Variants in PROSER2 observed in about 807,000 individuals in gnomAD.
PROSER2 encodes the protein proline and serine-rich protein 2.
A neutral mutation model predicts 14.6 loss-of-function variants in PROSER2; 18 were observed. The ratio of observed to expected loss-of-function variants is 1.23; its 90% CI spans 0.85 to 1.83. The LOEUF is 1.83. PROSER2 is among the 40% of genes most tolerant of loss of function. The pLI, the probability that PROSER2 is intolerant of heterozygous loss-of-function variation, is 0.00. For synonymous variants in PROSER2, 367 were observed against 286.4 expected, an observed-to-expected ratio of 1.28 and a Z score of -2.84; for missense variants, 823 against 629.8, an observed-to-expected ratio of 1.31 and a Z score of -3.28.
In PROSER2 at chr10:11,866,739, G is replaced by A. The variant is rs760503678; in HGVS notation, c.347G>A (p.Gly116Asp). The A allele has an allele frequency of 6.2e-7, 1 of 1,613,466 alleles. No homozygotes were observed. Among genetic ancestry groups the A allele is most frequent in the East Asian group, 2.2e-5 (1 of 44,876 alleles). ...DVIDLVQPAP[G>D]AGEAEGLPEG... ...ATCGACTTAGTGCAGCCAGCACCTG[G>A]CGCCGGGGAAGCCGAGGGCCTTCCA... is the stretch of plus-strand genomic sequence containing the variant. Residue 116 changes from glycine (G) to aspartate (D), a missense_variant, in exon 3 of 4, where the codon GGC becomes GAC. Physicochemically the swap from Gly to Asp is moderately conservative, Grantham distance 94 (BLOSUM62 -1). Coordinates refer to ENST00000277570, the MANE Select transcript of PROSER2 (RefSeq NM_153256.4). This position sits in a 1 kb window ranked among gnomAD's most constrained non-coding sequence, Gnocchi z 6.0.
Position 11,843,862 on chromosome 10 carries a change from ATATTTT to A in PROSER2, c.-81-8131_-81-8126del, listed in dbSNP as rs574407389. The stretch of plus-strand genomic sequence containing the variant: ...GTGAAACTCCATCTCAAAAAAAAGA[ATATTTT>A]TATAGTACATATAGATTTAGGTTGA... On this transcript the variant is annotated intron_variant, in intron 1 of 3. Transcript: ENST00000277570. Among the ~76,000 whole-genome samples the A allele has an allele frequency of 1.8e-4, 28 of 151,880 alleles. 1 individual carries two copies. The East Asian group carries it at 5.4e-3, about 29-fold the overall frequency.
chr10:11,856,907 C>G lies in PROSER2; in HGVS notation c.138+4692C>G, dbSNP rs1397996804. On this transcript the variant is annotated intron_variant, in intron 2 of 3. Transcript: ENST00000277570. This position sits in a 1 kb window ranked among gnomAD's most constrained non-coding sequence, Gnocchi z 5.3. ...AGGAGGGGACACTGAACCGGAGGTG[C>G]CTTGAGGGAGGAGCCGCCCCATCAG... is the stretch of plus-strand genomic sequence containing the variant. Among the ~76,000 whole-genome samples the G allele has an allele frequency of 6.6e-6, 1 of 152,190 alleles. No individual in the cohort carries two copies. The highest frequency in any genetic ancestry group is 1.5e-5 in the Non-Finnish European group (1 of 68,038).
rs1833575018 is a variant in PROSER2 at position 11,823,835 on chromosome 10, G to A, written c.-82+365G>A. Among the ~76,000 whole-genome samples the A allele has an allele frequency of 1.3e-5, 2 of 152,184 alleles. No individual in the cohort carries two copies. Among genetic ancestry groups the A allele is most frequent in the African/African-American group, 4.8e-5 (2 of 41,458 alleles). On this transcript the variant is annotated intron_variant, in intron 1 of 3. Transcript: ENST00000277570. This position sits in a 1 kb window ranked among gnomAD's most constrained non-coding sequence, Gnocchi z 6.2. ...GTCCCCACCGTCCGTCCCCCAACCC[G>A]GGACCCCTGTCCTTTGCGCCGTGGG... is the stretch of plus-strand genomic sequence containing the variant.
chr10:11,855,347 G>A (rs552933492), intron 2 of PROSER2, among the ~76,000 whole-genome samples: 12 of 151,682 alleles, frequency 7.9e-5, no homozygotes, highest in East Asian at 1.9e-4. Context: ...GTTGGCGGGC[G>A]CCTGTAGTCC....
rs143045886 is a variant in PROSER2 at position 11,845,371 on chromosome 10, T to C, written c.-81-6626T>C. ...AGATTTGTAGCTGCTTTTAACTTTT[T>C]CTTGTTTTCGGTGTTCTGTGGTTTC... On this transcript the variant is annotated intron_variant, in intron 1 of 3. Transcript: ENST00000277570. 4.5e-4 allele frequency among the ~76,000 whole-genome samples: 68 copies of C among 152,312 alleles called. No homozygotes were observed. In the East Asian group the frequency reaches 0.012, roughly 26 times the overall value.
rs1834335807 is a variant in PROSER2, at chr10:11,865,904, G to GCTGAGAAGC, written c.139-626_139-625insTGAGAAGCC. ...TCCAGAGCCGCTCAGCACCTCCAGG[G>GCTGAGAAGC]CCTGAGCTTCTGGGCAGTTCTTCGG... On this transcript the variant is annotated intron_variant, in intron 2 of 3. Coordinates refer to ENST00000277570, the MANE Select transcript of PROSER2 (RefSeq NM_153256.4). The surrounding 1 kb of genome is among the most constrained non-coding windows in gnomAD (Gnocchi z 4.2). 6.6e-6 allele frequency among the ~76,000 whole-genome samples: 1 copy of GCTGAGAAGC among 152,170 alleles called. No homozygotes were observed. The highest frequency in any genetic ancestry group is 2.1e-4 in the South Asian group (1 of 4,826).
At chr10:11,845,877 T>TG (rs745690862) in intron 1 of PROSER2, among the ~76,000 whole-genome samples, 10 of 152,330 alleles carry the variant, frequency 6.6e-5, no homozygotes, top group South Asian at 2.1e-4. Flanking sequence ...ATGGTTCTGG[T>TG]GGGGGGACCC....
intron 1 of PROSER2, chr10:11,851,131 G>C (rs1028326825): frequency 6.6e-6 from 1 of 152,370 alleles, no homozygotes; most frequent in Admixed American, 6.5e-5. Flanking sequence ...TGGGAGGACT[G>C]CTTGAGCCCA....
intron 1 of PROSER2, among the ~76,000 whole-genome samples, chr10:11,835,953 C>T (rs1833754347): frequency 6.6e-6 from 1 of 152,076 alleles, no homozygotes; most frequent in South Asian, 2.1e-4. Flanking sequence ...TCATGGTGCT[C>T]TTGAAGGTCA....
rs1334379967 is a variant in PROSER2 at position 11,856,942 on chromosome 10, C to T, written c.138+4727C>T. 6.6e-6 allele frequency among the ~76,000 whole-genome samples: 1 copy of T among 152,212 alleles called. No homozygotes were observed. The highest frequency in any genetic ancestry group is 2.4e-5 in the African/African-American group (1 of 41,450). ...GGAGCCGCCCCATCAGCCATAACCC[C>T]GCCCTTTCATGCTGCCTTCTCACCC... On this transcript the variant is annotated intron_variant, in intron 2 of 3. Coordinates refer to ENST00000277570, the MANE Select transcript of PROSER2 (RefSeq NM_153256.4). This position sits in a 1 kb window ranked among gnomAD's most constrained non-coding sequence, Gnocchi z 5.3.
At chr10:11,842,294 A>T (rs1034759277) in intron 1 of PROSER2, among the ~76,000 whole-genome samples, 1 of 150,736 alleles carries the variant, frequency 6.6e-6, no homozygotes, top group African/African-American at 2.4e-5. Context: ...TAATTATGCA[A>T]ATATTTACAT....
chr10:11,854,570 G>A (rs1045031473), intron 2 of PROSER2, among the ~76,000 whole-genome samples: 1 of 151,636 alleles, frequency 6.6e-6, no homozygotes, highest in Non-Finnish European at 1.5e-5. Context: ...CTCAGCCTTC[G>A]CAAGTGCTGG....
rs1316397417 is a variant in PROSER2, at chr10:11,866,288, C to A, written c.139-243C>A. 6.6e-6 allele frequency among the ~76,000 whole-genome samples: 1 copy of A among 152,138 alleles called. No homozygotes were observed. Among genetic ancestry groups the A allele is most frequent in the East Asian group, 1.9e-4 (1 of 5,190 alleles). On this transcript the variant is annotated intron_variant, in intron 2 of 3. Coordinates refer to ENST00000277570, the MANE Select transcript of PROSER2 (RefSeq NM_153256.4). This position sits in a 1 kb window ranked among gnomAD's most constrained non-coding sequence, Gnocchi z 6.0. Reference sequence around the variant, plus strand: ...CTTTTTGTCATTGACTTGCTAGGAACCCCAAGGCGAGGGCCCGTTATAACA... The same window carrying A: ...CTTTTTGTCATTGACTTGCTAGGAAACCCAAGGCGAGGGCCCGTTATAACA...
At chr10:11,828,652 G>A (rs574179470) in intron 1 of PROSER2, among the ~76,000 whole-genome samples, 1 of 152,148 alleles carries the variant, frequency 6.6e-6, no homozygotes, top group Non-Finnish European at 1.5e-5. Flanking sequence ...GTAGTGAGCC[G>A]AGATCACGCC....
At chr10:11,847,758 C>T (rs1833945566) in intron 1 of PROSER2, among the ~76,000 whole-genome samples, 1 of 152,138 alleles carries the variant, frequency 6.6e-6, no homozygotes, top group Non-Finnish European at 1.5e-5. Context: ...TGTTACTTCT[C>T]TCACTGTTGA....
In PROSER2 at chr10:11,830,439, G is replaced by A. The variant is rs977876634; in HGVS notation, c.-82+6969G>A. The stretch of plus-strand genomic sequence containing the variant: ...TTTATCCTGTCGTCTGTCGATGGAC[G>A]CCTAGATTGATTCTGTGACGGTTAC... On this transcript the variant is annotated intron_variant, in intron 1 of 3. Coordinates refer to ENST00000277570, the MANE Select transcript of PROSER2 (RefSeq NM_153256.4). The surrounding 1 kb of genome is among the most constrained non-coding windows in gnomAD (Gnocchi z 4.5). 3.3e-5 allele frequency among the ~76,000 whole-genome samples: 5 copies of A among 152,116 alleles called. No individual in the cohort carries two copies. The highest frequency in any genetic ancestry group is 7.2e-5 in the African/African-American group (3 of 41,428).
chr10:11,844,863 C>T (rs900052194), intron 1 of PROSER2, among the ~76,000 whole-genome samples: 1 of 152,146 alleles, frequency 6.6e-6, no homozygotes, highest in Non-Finnish European at 1.5e-5. Context: ...CTCAAGTGAT[C>T]CGCCCGCCTT....
chr10:11,842,640 C>T (rs141990445), intron 1 of PROSER2, among the ~76,000 whole-genome samples: 12 of 152,146 alleles, frequency 7.9e-5, no homozygotes, highest in African/African-American at 2.9e-4. Context: ...ATTTTTAGTC[C>T]AAATCTTTCC....
At chr10:11,860,193 G>A (rs1834207643) in intron 2 of PROSER2, among the ~76,000 whole-genome samples, 1 of 152,244 alleles carries the variant, frequency 6.6e-6, no homozygotes, top group Non-Finnish European at 1.5e-5. Context: ...CAGAGAAGGT[G>A]CTTGGGATAC....
Sources: allele counts gnomAD v4.1 joint callset (sites outside exome capture counted in the v4.1 genomes callset), GRCh38; gene constraint gnomAD v4.1.1; non-coding constraint Gnocchi (gnomAD v3.1); transcripts MANE v1.5; gene names NCBI Gene and HGNC (gene_info 2026-07-23, HGNC 2026-07-21).